The following CADPS variants were observed in gnomAD, a reference collection of about 807,000 sequenced individuals.
CADPS encodes the protein calcium dependent secretion activator.
In CADPS, 57 loss-of-function variants were observed where a neutral mutation model predicts 167.3. The observed-to-expected ratio is 0.34, with a 90% CI of 0.28 to 0.42. The LOEUF (loss-of-function observed/expected upper bound fraction) is 0.42, where lower values mean the gene tolerates loss of function less well. Ranked by LOEUF, CADPS falls within the 20% of genes least tolerant of loss-of-function variation. CADPS has a pLI of 1.00. For synonymous variants in CADPS, 676 were observed against 635.3 expected (o/e 1.06, Z -0.96); for missense variants, 1,414 against 1,738.1 (o/e 0.81, Z 3.32).
rs2053197556 is a variant in CADPS, at chr3:62,428,329, T to TA, written c.3777+9774dup. Among the ~76,000 whole-genome samples the TA allele has an allele frequency of 8.6e-5, 10 of 116,166 alleles. No individual in the cohort carries two copies. The East Asian group carries it at 1.2e-3, about 14-fold the overall frequency. 76.2% of individuals were successfully genotyped at this position (116,166 alleles called of 152,430 possible). A position where few individuals can be genotyped will look rare whatever the true frequency, so the allele number is the denominator to read the frequency against. On this transcript the variant is annotated intron_variant, in intron 28 of 29. Coordinates refer to ENST00000383710, the MANE Select transcript of CADPS (RefSeq NM_003716.4). ...TTTTTTTTTTTTTTTTTTTTTTTTT[T>TA]AAATTGAGGTCCGGGTGGAACTATA...
chr3:62,629,780 G>GT lies in CADPS; in HGVS notation c.1325+15941dup, dbSNP rs201132481. Among the ~76,000 whole-genome samples, 617 of 118,298 alleles carry GT rather than the reference G, an allele frequency of 5.2e-3. 12 individuals carry two copies. In the East Asian group the frequency reaches 0.055, roughly 11 times the overall value. The allele number at this position is 118,298 out of a possible 152,430, so 77.6% of individuals were successfully genotyped here. On this transcript the variant is annotated intron_variant, in intron 6 of 29. Coordinates refer to ENST00000383710, the MANE Select transcript of CADPS (RefSeq NM_003716.4). ...CAGTTTTTTTTTTGTTTGTTTGTTT[G>GT]TTTTTTTCCTGTCCCTTGAATATTA...
chr3:62,753,142 T>C lies in CADPS; in HGVS notation c.888+299A>G, dbSNP rs919672056. 6.6e-6 allele frequency among the ~76,000 whole-genome samples: 1 copy of C among 152,190 alleles called. No individual in the cohort carries two copies. Among genetic ancestry groups the C allele is most frequent in the Non-Finnish European group, 1.5e-5 (1 of 68,030 alleles). On this transcript the variant is annotated intron_variant, in intron 3 of 29. Coordinates refer to ENST00000383710, the MANE Select transcript of CADPS (RefSeq NM_003716.4). The surrounding 1 kb of genome is among the most constrained non-coding windows in gnomAD (Gnocchi z 4.6). ...TTTAAAAAATTGATTTTTAGCACTT[T>C]TGACACGTGGAAAACAAGCCTTACT...
At chr3:62,524,815 A>T (rs116651919) in intron 13 of CADPS, among the ~76,000 whole-genome samples, 1 of 152,332 alleles carries the variant, frequency 6.6e-6, no homozygotes, top group African/African-American at 2.4e-5. Context: ...GAGAAATTGT[A>T]TAAAATGCAG....
At chr3:62,804,399 G>C (rs959537937) in intron 1 of CADPS, among the ~76,000 whole-genome samples, 1 of 152,076 alleles carries the variant, frequency 6.6e-6, no homozygotes, top group Admixed American at 6.6e-5. Context: ...GGCGATTCTG[G>C]GTAGAATAGG....
chr3:62,506,463 A>G (rs1362205482), intron 17 of CADPS, among the ~76,000 whole-genome samples: 2 of 152,244 alleles, frequency 1.3e-5, no homozygotes, highest in African/African-American at 4.8e-5. Context: ...ATTTAAATTA[A>G]AGAAAGAAAT....
At chr3:62,840,287 A>C (rs1019128677) in intron 1 of CADPS, among the ~76,000 whole-genome samples, 1 of 152,208 alleles carries the variant, frequency 6.6e-6, no homozygotes, top group African/African-American at 2.4e-5. Flanking sequence ...ATGAAACATC[A>C]CATTCTTTCT....
chr3:62,650,749 T>C, intron 5 of CADPS, 98 bp downstream of exon 5: 1 of 815,754 alleles, frequency 1.2e-6, no homozygotes, highest in East Asian at 2.5e-5. Context: ...TAACTGCTCC[T>C]GGGGTGCAAC....
chr3:62,620,160 TAGAC>T (rs2149458744), intron 6 of CADPS, among the ~76,000 whole-genome samples: 1 of 152,258 alleles, frequency 6.6e-6, no homozygotes, highest in African/African-American at 2.4e-5. Context: ...ATCACTTAAT[TAGAC>T]AGAGCCAGCT....
chr3:62,427,315 C>A (rs2052952986), intron 28 of CADPS, among the ~76,000 whole-genome samples: 1 of 151,990 alleles, frequency 6.6e-6, no homozygotes, highest in Non-Finnish European at 1.5e-5. Flanking sequence ...AGACGAGTTC[C>A]CGAGATATCT....
rs554798582 is a variant in CADPS at position 62,777,509 on chromosome 3, A to G, written c.442-11525T>C. Among the ~76,000 whole-genome samples, 18 of 152,252 alleles carry G rather than the reference A, an allele frequency of 1.2e-4. No individual in the cohort carries two copies. The East Asian group carries it at 2.1e-3, about 18-fold the overall frequency. ...TGATCTGAAATTAGGAAATATGAAAAACACAAGTGCACACCCTAATGCAAA... is the reference window on the plus strand; with the variant it reads ...TGATCTGAAATTAGGAAATATGAAAGACACAAGTGCACACCCTAATGCAAA... On this transcript the variant is annotated intron_variant, in intron 1 of 29. Transcript: ENST00000383710.
intron 1 of CADPS, among the ~76,000 whole-genome samples, chr3:62,840,067 A>C (rs2076427447): frequency 6.6e-6 from 1 of 152,192 alleles, no homozygotes; most frequent in Non-Finnish European, 1.5e-5. Flanking sequence ...TCTCTAACAA[A>C]GATTAAATTT....
At chr3:62,609,846 T>G (rs887816967) in intron 6 of CADPS, among the ~76,000 whole-genome samples, 1 of 151,998 alleles carries the variant, frequency 6.6e-6, no homozygotes, top group African/African-American at 2.4e-5. Flanking sequence ...TCCTAGAACT[T>G]TGGGAGGCTG....
In CADPS at chr3:62,795,372, G is replaced by T. The variant is rs189395956; in HGVS notation, c.442-29388C>A. 7.2e-5 allele frequency among the ~76,000 whole-genome samples: 11 copies of T among 152,066 alleles called. No homozygotes were observed. The East Asian group carries it at 2.1e-3, about 29-fold the overall frequency. ...TAAAAAAATACTCTTGTTAGCATAT[G>T]CCCTAGATGTAAGCTCCATGAGGTA... is the stretch of plus-strand genomic sequence containing the variant. On this transcript the variant is annotated intron_variant, in intron 1 of 29. Transcript: ENST00000383710.
chr3:62,783,187 A>G (rs2091966660), intron 1 of CADPS, among the ~76,000 whole-genome samples: 1 of 152,140 alleles, frequency 6.6e-6, no homozygotes, highest in Non-Finnish European at 1.5e-5. Context: ...TCAGTCTGAG[A>G]CCTGGGCAAG....
At chr3:62,718,624 A>C (rs1377199445) in intron 3 of CADPS, among the ~76,000 whole-genome samples, 3 of 152,172 alleles carry the variant, frequency 2.0e-5, no homozygotes, top group African/African-American at 7.2e-5. Context: ...GGGTGGGCTC[A>C]GTAGGTTGAG....
intron 6 of CADPS, among the ~76,000 whole-genome samples, chr3:62,597,652 G>C (rs1332308277): frequency 6.6e-6 from 1 of 152,176 alleles, no homozygotes; most frequent in Non-Finnish European, 1.5e-5. Context: ...GAGTCTGACT[G>C]TGGGGCAGTC....
intron 25 of CADPS, 119 bp downstream of exon 25, chr3:62,466,220 T>C: frequency 1.5e-6 from 1 of 676,324 alleles, no homozygotes; most frequent in East Asian, 2.7e-5. Flanking sequence ...TGTACAATCT[T>C]GTTTCCTGAG....
At chr3:62,507,646 C>T (rs1222173772) in intron 17 of CADPS, among the ~76,000 whole-genome samples, 1 of 152,128 alleles carries the variant, frequency 6.6e-6, no homozygotes, top group African/African-American at 2.4e-5. Context: ...CACCTGGAAG[C>T]TTGTTAAGAA....
At chr3:62,689,649 C>A (rs752028302) in intron 3 of CADPS, among the ~76,000 whole-genome samples, 1 of 152,036 alleles carries the variant, frequency 6.6e-6, no homozygotes, top group Non-Finnish European at 1.5e-5. Flanking sequence ...CCTTTGGACG[C>A]AAATGTACCT....
Sources: allele counts gnomAD v4.1 joint callset (sites outside exome capture counted in the v4.1 genomes callset), GRCh38; gene constraint gnomAD v4.1.1; non-coding constraint Gnocchi (gnomAD v3.1); transcripts MANE v1.5; gene names NCBI Gene and HGNC (gene_info 2026-07-23, HGNC 2026-07-21).